The following STARD13 variants were observed in gnomAD, a reference collection of about 807,000 sequenced individuals.
STARD13 encodes the protein StAR related lipid transfer domain containing 13, also known as stAR-related lipid transfer protein 13.
In STARD13, 62 loss-of-function variants were observed where a neutral mutation model predicts 106.4. The ratio of observed to expected loss-of-function variants is 0.58; its 90% CI spans 0.48 to 0.72. The LOEUF (loss-of-function observed/expected upper bound fraction) is 0.72. STARD13 is among the 30% of genes least tolerant of loss of function. STARD13 has a pLI of 0.00. For missense variants in STARD13, 1,387 were observed against 1,424.0 expected (o/e 0.97, Z 0.42); for synonymous variants, 565 against 553.0 (o/e 1.02, Z -0.31).
Position 33,110,705 on chromosome 13 carries a change from G to A in STARD13, c.2810C>T (p.Thr937Ile). 1 of 1,614,096 alleles carries A rather than the reference G, an allele frequency of 6.2e-7. No homozygotes were observed. The highest frequency in any genetic ancestry group is 1.1e-5 in the South Asian group (1 of 91,080). Reference protein sequence around the residue: ...GWVTCSSTDNTDLAFKKVGDG... With the variant: ...GWVTCSSTDNIDLAFKKVGDG... ...GATTACCTTTTTGAAAGCAAGATCT[G>A]TATTGTCCGTGCTGGAGCACGTGAC... Residue 937 changes from threonine (T) to isoleucine (I), a missense_variant, in exon 11 of 14, where the codon ACA becomes ATA. Physicochemically the swap from Thr to Ile is moderately conservative, Grantham distance 89. Coordinates refer to ENST00000336934, the MANE Select transcript of STARD13 (RefSeq NM_178006.4).
At chr13:33,499,523 TTCTTCTTCTTCTTCTTCTTCTTCTTCTTC>T in the STARD13 span, among the ~76,000 whole-genome samples, 3 of 50,404 alleles carry the variant, frequency 6.0e-5, no homozygotes, top group African/African-American at 2.4e-4. Context: ...TCTTTCTTTC[TTCTTCTTCTTCTTCTTCTTCTTCTTCTTC>T]TTCTTCTTCT....
At chr13:33,676,115 G>A in the STARD13 span, among the ~76,000 whole-genome samples, 1 of 152,246 alleles carries the variant, frequency 6.6e-6, no homozygotes, top group Admixed American at 6.5e-5. Flanking sequence ...GCAATCACAG[G>A]AAACTGGACT....
chr13:33,128,878 C>T, intron 5 of STARD13, 51 bp downstream of exon 5: 1 of 1,537,232 alleles, frequency 6.5e-7, no homozygotes, highest in Non-Finnish European at 8.8e-7. Context: ...AAACAGAACA[C>T]AATTACTATG....
the STARD13 span, among the ~76,000 whole-genome samples, chr13:33,475,815 G>T: frequency 6.6e-6 from 1 of 152,050 alleles, no homozygotes; most frequent in Non-Finnish European, 1.5e-5. Flanking sequence ...AAGTTAGCTG[G>T]GCGTGGTGGC....
the STARD13 span, among the ~76,000 whole-genome samples, chr13:33,435,575 T>C: frequency 5.9e-5 from 9 of 152,202 alleles, no homozygotes; most frequent in Non-Finnish European, 1.0e-4. Context: ...TCTACATATA[T>C]AGCCATAGGA....
intron 1 of STARD13, among the ~76,000 whole-genome samples, chr13:33,301,644 T>G (rs952528447): frequency 6.1e-5 from 9 of 147,330 alleles, no homozygotes; most frequent in Middle Eastern, 3.6e-3. Context: ...CTTGGCTCAC[T>G]GCAAGCTCAG....
intron 1 of STARD13, among the ~76,000 whole-genome samples, chr13:33,232,332 A>C (rs943972109): frequency 2.0e-5 from 3 of 152,176 alleles, no homozygotes; most frequent in African/African-American, 7.2e-5. Context: ...ATAAATAAAT[A>C]AATAAGCTAT....
chr13:33,282,722 TG>T (rs1245269204), intron 1 of STARD13, among the ~76,000 whole-genome samples: 1 of 152,210 alleles, frequency 6.6e-6, no homozygotes, highest in Non-Finnish European at 1.5e-5. Flanking sequence ...ACATGATTAA[TG>T]GAATGATTAA....
intron 1 of STARD13, chr13:33,350,283 C>T: frequency 6.5e-7 from 1 of 1,529,920 alleles, no homozygotes; most frequent in Non-Finnish European, 8.7e-7. Flanking sequence ...GTCTCCGGGG[C>T]ACTGACCTGC....
intron 1 of STARD13, among the ~76,000 whole-genome samples, chr13:33,259,095 A>G (rs1050969728): frequency 1.3e-5 from 2 of 152,090 alleles, no homozygotes; most frequent in Non-Finnish European, 2.9e-5. Flanking sequence ...CTGTACTATC[A>G]TTACCTCTCT....
chr13:33,573,678 G>A, the STARD13 span, among the ~76,000 whole-genome samples: 803 of 152,248 alleles, frequency 5.3e-3, 8 homozygotes, highest in African/African-American at 0.018. Context: ...GAATGTTCCA[G>A]GGAGTATAAG....
intron 1 of STARD13, among the ~76,000 whole-genome samples, chr13:33,339,165 T>C (rs905527609): frequency 1.3e-5 from 2 of 152,178 alleles, no homozygotes; most frequent in African/African-American, 4.8e-5. Context: ...TCCTCCTCTT[T>C]AAAGATGAAG....
chr13:33,130,414 G>A lies in STARD13; in HGVS notation c.388-125C>T. ...CCCCTCTGTCCTCCCATGCACAGGT[G>A]TGAGCTTCTTGGGCACCTCTAAGCT... On this transcript the variant is annotated intron_variant, in intron 4 of 13. Coordinates refer to ENST00000336934, the MANE Select transcript of STARD13 (RefSeq NM_178006.4). This position sits in a 1 kb window ranked among gnomAD's most constrained non-coding sequence, Gnocchi z 4.1. 1.1e-6 allele frequency: 1 copy of A among 902,268 alleles called. No homozygotes were observed. Among genetic ancestry groups the A allele is most frequent in the Non-Finnish European group, 1.7e-6 (1 of 599,660 alleles). 55.9% of individuals were successfully genotyped at this position (902,268 alleles called of 1,614,324 possible).
At chr13:33,202,217 A>T (rs565860866) in intron 1 of STARD13, among the ~76,000 whole-genome samples, 1 of 152,338 alleles carries the variant, frequency 6.6e-6, no homozygotes, top group East Asian at 1.9e-4. Context: ...CCTAACTATG[A>T]TTAGTAGGAT....
At chr13:33,418,053 A>T in the STARD13 span, among the ~76,000 whole-genome samples, 7 of 151,254 alleles carry the variant, frequency 4.6e-5, no homozygotes, top group Non-Finnish European at 1.0e-4. Flanking sequence ...TGCATTTCCA[A>T]CTGAGGTATC....
In STARD13 at chr13:33,167,692, T is replaced by C; in HGVS notation, c.170-70A>G. On this transcript the variant is annotated intron_variant, in intron 1 of 13. Coordinates refer to ENST00000336934, the MANE Select transcript of STARD13 (RefSeq NM_178006.4). ...CCCTAGTACTCTGCCTTCTTAATCA[T>C]GGAGACACTGGTGAGCTTTGTGCAA... 6.9e-6 allele frequency: 10 copies of C among 1,450,058 alleles called. No individual in the cohort carries two copies. The South Asian group carries it at 1.0e-4, about 15-fold the overall frequency. 89.8% of individuals were successfully genotyped at this position (1,450,058 alleles called of 1,614,324 possible). A position where few individuals can be genotyped will look rare whatever the true frequency, so the allele number is the denominator to read the frequency against.
chr13:33,303,430 A>C (rs1486045262), intron 1 of STARD13, among the ~76,000 whole-genome samples: 1 of 152,128 alleles, frequency 6.6e-6, no homozygotes, highest in Non-Finnish European at 1.5e-5. Flanking sequence ...CCTAGACTTC[A>C]CTTTATCTAT....
At chr13:33,345,833 C>T (rs972492209), downstream of STARD13, among the ~76,000 whole-genome samples, 3 of 151,882 alleles carry the variant, frequency 2.0e-5, no homozygotes, top group African/African-American at 7.3e-5. Context: ...ATGCTTTTCC[C>T]AGGCTATTTG....
the STARD13 span, among the ~76,000 whole-genome samples, chr13:33,584,756 C>T: frequency 2.0e-4 from 30 of 151,396 alleles, no homozygotes; most frequent in African/African-American, 4.4e-4. Context: ...TCAACATTTG[C>T]GATTGGATCA....
Sources: allele counts gnomAD v4.1 joint callset (sites outside exome capture counted in the v4.1 genomes callset), GRCh38; gene constraint gnomAD v4.1.1; non-coding constraint Gnocchi (gnomAD v3.1); transcripts MANE v1.5; gene names NCBI Gene and HGNC (gene_info 2026-07-23, HGNC 2026-07-21).